OTUD7B: variants seen among roughly 807,000 people sequenced by gnomAD.
The protein encoded by OTUD7B is OTU deubiquitinase 7B, also known as OTU domain-containing protein 7B.
In OTUD7B, 34 loss-of-function variants were observed where a neutral mutation model predicts 82.2. That is an observed-to-expected ratio of 0.41 (90% CI 0.31 to 0.55). OTUD7B has a LOEUF of 0.55. Among genes scored for constraint, OTUD7B ranks in the 20% least tolerant of loss-of-function variants. The probability of loss-of-function intolerance (pLI) is 0.20; values close to 1 mark genes in which losing one functional copy is unlikely to be tolerated. For synonymous variants in OTUD7B, 398 were observed against 402.7 expected (o/e 0.99, Z 0.14); for missense variants, 944 against 1,062.1 (o/e 0.89, Z 1.55).
At chr1:150,031,053 G>T in the OTUD7B span, among the ~76,000 whole-genome samples, 3 of 152,024 alleles carry the variant, frequency 2.0e-5, no homozygotes, top group African/African-American at 7.2e-5. Context: ...GGGATTACAG[G>T]CATGAGCCAT....
At chr1:149,976,297 A>C (rs1432815886) in intron 2 of OTUD7B, among the ~76,000 whole-genome samples, 1 of 151,860 alleles carries the variant, frequency 6.6e-6, no homozygotes, top group Non-Finnish European at 1.5e-5. Flanking sequence ...CATGATTCTA[A>C]CCCTTCAGGA....
chr1:150,024,152 T>A, the OTUD7B span, among the ~76,000 whole-genome samples: 3 of 152,220 alleles, frequency 2.0e-5, no homozygotes, highest in Non-Finnish European at 4.4e-5. Flanking sequence ...GAATAAATAT[T>A]CCATTCCACA....
intron 6 of OTUD7B, chr1:149,961,614 A>G (rs1649169544): frequency 6.6e-6 from 1 of 152,246 alleles, no homozygotes; most frequent in Non-Finnish European, 1.5e-5. Context: ...TGGCCTTCCA[A>G]AGTGCTGGGA....
intron 2 of OTUD7B, among the ~76,000 whole-genome samples, chr1:149,971,944 A>G (rs782573883): frequency 3.3e-5 from 5 of 152,168 alleles, no homozygotes; most frequent in Non-Finnish European, 7.4e-5. Flanking sequence ...CCTTAATTCA[A>G]TTCCTATCAC....
chr1:150,022,362 C>CACT, the OTUD7B span, among the ~76,000 whole-genome samples: 1 of 137,702 alleles, frequency 7.3e-6, no homozygotes, highest in Non-Finnish European at 1.5e-5. Context: ...CGTGCCATTG[C>CACT]ACTCCAGCCT....
chr1:150,006,406 G>C (rs1282510969), intron 1 of OTUD7B, among the ~76,000 whole-genome samples: 1 of 152,200 alleles, frequency 6.6e-6, no homozygotes, highest in East Asian at 1.9e-4. Context: ...GCAGTAAGCT[G>C]AGATTGCGCC....
At chr1:150,012,201 GACTCTAACTGA>G (rs1250604377), upstream of OTUD7B, among the ~76,000 whole-genome samples, 9 of 152,278 alleles carry the variant, frequency 5.9e-5, no homozygotes, top group South Asian at 1.2e-3. Context: ...CACCTAAATT[GACTCTAACTGA>G]ACTCTAACTG....
the OTUD7B span, among the ~76,000 whole-genome samples, chr1:150,053,616 G>C: frequency 5.3e-5 from 8 of 151,776 alleles, no homozygotes; most frequent in African/African-American, 1.7e-4. Context: ...GGCTGGTCTC[G>C]AACTCCCGAC....
At chr1:150,013,947 T>TATATAC (rs782181773), upstream of OTUD7B, among the ~76,000 whole-genome samples, 2,139 of 104,294 alleles carry the variant, frequency 0.021, 64 homozygotes, top group African/African-American at 0.032. Flanking sequence ...AATATATATA[T>TATATAC]ACACACACAC....
chr1:150,007,653 G>A (rs1652754212), intron 1 of OTUD7B, among the ~76,000 whole-genome samples: 1 of 152,084 alleles, frequency 6.6e-6, no homozygotes, highest in Non-Finnish European at 1.5e-5. Flanking sequence ...CCAGAGAAGT[G>A]TTCAATCATT....
intron 9 of OTUD7B, 142 bp from the exon 10 acceptor site, chr1:149,949,225 A>T: frequency 1.6e-6 from 1 of 618,928 alleles, no homozygotes; most frequent in Non-Finnish European, 2.9e-6. Flanking sequence ...CCCGGTATTA[A>T]AACTAATTGG....
chr1:150,030,629 G>A, the OTUD7B span, among the ~76,000 whole-genome samples: 2 of 152,096 alleles, frequency 1.3e-5, no homozygotes, highest in East Asian at 1.9e-4. Context: ...AAACTGCTGA[G>A]CTTCCTCACA....
At chr1:150,020,305 G>A in the OTUD7B span, among the ~76,000 whole-genome samples, 7,632 of 152,256 alleles carry the variant, frequency 0.05, 665 homozygotes, top group African/African-American at 0.18. Context: ...GGAGGCTGAG[G>A]TGGGTGGATC....
At chr1:150,059,580 G>C in the OTUD7B span, among the ~76,000 whole-genome samples, 1 of 151,514 alleles carries the variant, frequency 6.6e-6, no homozygotes, top group Admixed American at 6.6e-5. Flanking sequence ...TGTTGGTCAG[G>C]CTCGGTCTTA....
At chr1:149,958,282 T>C (rs958738696) in intron 7 of OTUD7B, among the ~76,000 whole-genome samples, 1 of 152,070 alleles carries the variant, frequency 6.6e-6, no homozygotes, top group Non-Finnish European at 1.5e-5. Context: ...TCCATTTTTA[T>C]TTTATTTCAG....
chr1:150,054,392 C>T, the OTUD7B span: 1 of 540,392 alleles, frequency 1.9e-6, no homozygotes, highest in Non-Finnish European at 3.6e-6. Context: ...TGTGACTGGA[C>T]CTCTGGTCCT....
chr1:150,010,756 G>C (rs587636827), upstream of OTUD7B: 14 of 152,228 alleles, frequency 9.2e-5, no homozygotes, highest in Admixed American at 9.2e-4. Context: ...GGAAACAGGC[G>C]CCAGTTTCCG....
the OTUD7B span, among the ~76,000 whole-genome samples, chr1:150,020,792 A>G: frequency 6.6e-6 from 1 of 152,352 alleles, no homozygotes; most frequent in South Asian, 2.1e-4. Context: ...AAAGCCAAAT[A>G]GGCCCCTATC....
chr1:149,992,467 GTTTTTTTTTTTT>G (rs1166098299), intron 1 of OTUD7B, among the ~76,000 whole-genome samples: 6 of 61,560 alleles, frequency 9.7e-5, no homozygotes, highest in African/African-American at 2.0e-4. Context: ...GTGTGCATGT[GTTTTTTTTTTTT>G]TTTTTTTTTT....
Sources: allele counts gnomAD v4.1 joint callset (sites outside exome capture counted in the v4.1 genomes callset), GRCh38; gene constraint gnomAD v4.1.1; transcripts MANE v1.5; gene names NCBI Gene and HGNC (gene_info 2026-07-23, HGNC 2026-07-21).